Variants in NKAIN3 observed in about 807,000 individuals in gnomAD.
The protein encoded by NKAIN3 is sodium/potassium-transporting ATPase subunit beta-1-interacting protein 3.
In NKAIN3, 25 loss-of-function variants were observed where a neutral mutation model predicts 30.2. The ratio of observed to expected loss-of-function variants is 0.83; its 90% confidence interval spans 0.60 to 1.16. The LOEUF is 1.16. Ranked by LOEUF, NKAIN3 falls within the 50% of genes most tolerant of loss-of-function variation. The pLI, the probability that NKAIN3 is intolerant of heterozygous loss-of-function variation, is 0.00. For synonymous variants in NKAIN3, 91 were observed against 89.6 expected, an observed-to-expected ratio of 1.02 and a Z score of -0.09; for missense variants, 225 against 254.1, an observed-to-expected ratio of 0.89 and a Z score of 0.78.
intron 4 of NKAIN3, chr8:62,863,873 G>C: frequency 6.7e-7 from 1 of 1,496,714 alleles, no homozygotes; most frequent in Non-Finnish European, 9.3e-7. Flanking sequence ...GCAGTAGTCC[G>C]CAGGGTCCTC....
At chr8:62,852,296 T>C (rs1037969700) in intron 4 of NKAIN3, among the ~76,000 whole-genome samples, 6 of 152,186 alleles carry the variant, frequency 3.9e-5, no homozygotes, top group Non-Finnish European at 8.8e-5. Flanking sequence ...GGATCGGTGG[T>C]GATATCCCCT....
At chr8:62,279,566 G>A (rs2129395855) in intron 1 of NKAIN3, among the ~76,000 whole-genome samples, 1 of 152,210 alleles carries the variant, frequency 6.6e-6, no homozygotes, top group South Asian at 2.1e-4. Flanking sequence ...TGTAAGGAAG[G>A]GATCCAGTTT....
intron 3 of NKAIN3, among the ~76,000 whole-genome samples, chr8:62,632,895 C>A (rs571243218): frequency 3.5e-4 from 53 of 152,228 alleles, no homozygotes; most frequent in Non-Finnish European, 6.3e-4. Flanking sequence ...TAAAAATATG[C>A]CCCTAAAATA....
intron 3 of NKAIN3, among the ~76,000 whole-genome samples, chr8:62,731,585 G>A (rs2054523): frequency 0.88 from 133,133 of 152,092 alleles, 58,382 homozygotes; most frequent in Admixed American, 0.9. Flanking sequence ...TGATGTCTCC[G>A]GGGGAACCCT....
chr8:62,647,538 G>A, intron 3 of NKAIN3, among the ~76,000 whole-genome samples: 1 of 152,258 alleles, frequency 6.6e-6, no homozygotes, highest in South Asian at 2.1e-4. Context: ...CTAGGAAAGG[G>A]GTGGGGATCC....
intron 1 of NKAIN3, among the ~76,000 whole-genome samples, chr8:62,560,847 C>G (rs1413591553): frequency 6.6e-6 from 1 of 151,968 alleles, no homozygotes; most frequent in East Asian, 1.9e-4. Flanking sequence ...TCTTTTCTCT[C>G]TCCTCTCCTT....
intron 4 of NKAIN3, among the ~76,000 whole-genome samples, chr8:62,857,484 A>G (rs959753464): frequency 2.0e-5 from 3 of 152,144 alleles, no homozygotes; most frequent in East Asian, 1.9e-4. Context: ...ACGTACCCCA[A>G]TCAGTCATAG....
At chr8:62,638,851 A>G (rs967101626) in intron 3 of NKAIN3, among the ~76,000 whole-genome samples, 1 of 152,136 alleles carries the variant, frequency 6.6e-6, no homozygotes, top group African/African-American at 2.4e-5. Flanking sequence ...AATGTTCACA[A>G]AAGAGACTAG....
At position 62,974,459 on chromosome 8, in the gene NKAIN3, G is replaced by C. The variant is rs922832778; in HGVS notation, c.*9052G>C. On this transcript the variant is annotated 3_prime_UTR_variant, in exon 7 of 7. Coordinates refer to ENST00000623646, the MANE Select transcript of NKAIN3 (RefSeq NM_001304533.3). ...GAGTTTGTTCATGATTTGGCTCTCT[G>C]TTTGTCTATTATTGGTGTATAGGAA... Among the ~76,000 whole-genome samples the C allele has an allele frequency of 6.6e-6, 1 of 152,138 alleles. No homozygotes were observed. The highest frequency in any genetic ancestry group is 1.5e-5 in the Non-Finnish European group (1 of 68,024).
At chr8:62,580,468 A>T (rs1459790194) in intron 2 of NKAIN3, among the ~76,000 whole-genome samples, 1 of 152,210 alleles carries the variant, frequency 6.6e-6, no homozygotes, top group Non-Finnish European at 1.5e-5. Context: ...ATTAAGCCTG[A>T]ATAAATATAC....
chr8:62,733,961 A>AT (rs1391248609), intron 3 of NKAIN3, among the ~76,000 whole-genome samples: 1 of 152,004 alleles, frequency 6.6e-6, no homozygotes, highest in Non-Finnish European at 1.5e-5. Context: ...CCCTTTAGTG[A>AT]TTTTTCATCC....
rs534377879 is a variant in NKAIN3 at position 62,801,280 on chromosome 8, G to A, written c.471+54151G>A. Among the ~76,000 whole-genome samples the A allele has an allele frequency of 2.8e-3, 432 of 152,292 alleles. 3 individuals carry two copies. The highest frequency in any genetic ancestry group is 9.8e-3 in the African/African-American group (406 of 41,574). On this transcript the variant is annotated intron_variant, in intron 4 of 6. Coordinates refer to ENST00000623646, the MANE Select transcript of NKAIN3 (RefSeq NM_001304533.3). ...AAGAGAGCAGTGGTTCTCCCAGCAC[G>A]CAGCTGGAGATCTGAGAACGGGCAG...
At chr8:62,683,696 C>T (rs56254488) in intron 3 of NKAIN3, among the ~76,000 whole-genome samples, 26,901 of 152,080 alleles carry the variant, frequency 0.18, 2,518 homozygotes, top group East Asian at 0.34. Context: ...CCCAGAATCT[C>T]ATAAGCATTT....
intron 3 of NKAIN3, among the ~76,000 whole-genome samples, chr8:62,613,565 T>C (rs2130194562): frequency 6.6e-6 from 1 of 152,260 alleles, no homozygotes; most frequent in South Asian, 2.1e-4. Context: ...TCTTTCTCTA[T>C]GTTTGGGACT....
intron 1 of NKAIN3, among the ~76,000 whole-genome samples, chr8:62,560,591 G>A (rs1809540005): frequency 8.6e-6 from 1 of 116,492 alleles, no homozygotes; most frequent in Admixed American, 1.2e-4. Flanking sequence ...CCAGGCTGTA[G>A]TGCAATGGCA....
intron 1 of NKAIN3, among the ~76,000 whole-genome samples, chr8:62,364,073 T>G (rs2129592719): frequency 6.6e-6 from 1 of 152,308 alleles, no homozygotes; most frequent in African/African-American, 2.4e-5. Context: ...TGAGCTTAAA[T>G]TTTTTCATGT....
At chr8:62,905,068 G>A (rs1162366949) in intron 4 of NKAIN3, among the ~76,000 whole-genome samples, 3 of 152,132 alleles carry the variant, frequency 2.0e-5, no homozygotes, top group African/African-American at 7.2e-5. Flanking sequence ...CCTTGAAGCT[G>A]CCATTACAGA....
chr8:62,867,464 T>TA (rs552431767), intron 4 of NKAIN3, among the ~76,000 whole-genome samples: 5 of 152,016 alleles, frequency 3.3e-5, no homozygotes, highest in Non-Finnish European at 7.4e-5. Flanking sequence ...AGAATGAAAC[T>TA]AAAAAAAGAC....
Position 62,972,686 on chromosome 8 carries a change from A to C in NKAIN3, c.*7279A>C, listed in dbSNP as rs748207316. ...TATGATTTATTTACATTCTTTTTTC[A>C]TATATATACTTTAAGTTCTGGGATA... is the stretch of plus-strand genomic sequence containing the variant. On this transcript the variant is annotated 3_prime_UTR_variant, in exon 7 of 7. Coordinates refer to ENST00000623646, the MANE Select transcript of NKAIN3 (RefSeq NM_001304533.3). Among the ~76,000 whole-genome samples the C allele has an allele frequency of 6.6e-6, 1 of 152,014 alleles. No individual in the cohort carries two copies. Among genetic ancestry groups the C allele is most frequent in the Non-Finnish European group, 1.5e-5 (1 of 67,980 alleles).
Sources: allele counts gnomAD v4.1 joint callset (sites outside exome capture counted in the v4.1 genomes callset), GRCh38; gene constraint gnomAD v4.1.1; transcripts MANE v1.5; gene names NCBI Gene and HGNC (gene_info 2026-07-23, HGNC 2026-07-21).